GLIS1: variants seen among roughly 807,000 people sequenced by gnomAD.
GLIS1 encodes the protein zinc finger protein GLIS1.
A neutral mutation model predicts 63.8 loss-of-function variants in GLIS1; 24 were observed. The ratio of observed to expected loss-of-function variants is 0.38; its 90% CI spans 0.27 to 0.53. The LOEUF (loss-of-function observed/expected upper bound fraction) is 0.53. Among genes scored for constraint, GLIS1 ranks in the 20% least tolerant of loss-of-function variants. The probability of loss-of-function intolerance (pLI) is 0.85; values close to 1 mark genes in which losing one functional copy is unlikely to be tolerated. For missense variants in GLIS1, 1,036 were observed against 1,074.1 expected (o/e 0.96, Z 0.50); for synonymous variants, 450 against 482.5 (o/e 0.93, Z 0.88).
chr1:53,618,391 G>C (rs933779291), intron 2 of GLIS1, among the ~76,000 whole-genome samples: 5 of 152,206 alleles, frequency 3.3e-5, no homozygotes, highest in Admixed American at 1.3e-4. Context: ...CAGGCCCCTA[G>C]GGTGGGTCAC....
At chr1:53,601,751 C>T (rs1051382512) in intron 2 of GLIS1, among the ~76,000 whole-genome samples, 1 of 152,178 alleles carries the variant, frequency 6.6e-6, no homozygotes, top group Non-Finnish European at 1.5e-5. Context: ...ACGTCTTAAT[C>T]GCTATGTAAT....
At chr1:53,620,694 G>A (rs954978264) in intron 2 of GLIS1, among the ~76,000 whole-genome samples, 1 of 152,346 alleles carries the variant, frequency 6.6e-6, no homozygotes, top group African/African-American at 2.4e-5. Flanking sequence ...TGGAAGGCGG[G>A]AGACTGCAGG....
At chr1:53,514,024 T>C (rs1202848990) in intron 8 of GLIS1, among the ~76,000 whole-genome samples, 1 of 152,250 alleles carries the variant, frequency 6.6e-6, no homozygotes, top group African/African-American at 2.4e-5. Flanking sequence ...TGGCAGATCA[T>C]GGTCCAGCAA....
intron 2 of GLIS1, among the ~76,000 whole-genome samples, chr1:53,695,988 A>G (rs776461130): frequency 2.6e-5 from 4 of 152,202 alleles, no homozygotes; most frequent in Non-Finnish European, 4.4e-5. Flanking sequence ...TTGAGAATGC[A>G]GGCAGACTCG....
intron 6 of GLIS1, among the ~76,000 whole-genome samples, chr1:53,521,431 C>G (rs1010740622): frequency 2.0e-5 from 3 of 152,018 alleles, no homozygotes; most frequent in African/African-American, 7.3e-5. Flanking sequence ...GGGCTCGGAT[C>G]CCATCCTACC....
At chr1:53,521,520 AAC>A (rs1644408632) in intron 6 of GLIS1, among the ~76,000 whole-genome samples, 1 of 152,174 alleles carries the variant, frequency 6.6e-6, no homozygotes, top group Non-Finnish European at 1.5e-5. Flanking sequence ...AATAAGCAGC[AAC>A]AGTCACGCCT....
At chr1:53,735,888 G>T (rs1339475639) in intron 2 of GLIS1, among the ~76,000 whole-genome samples, 1 of 152,134 alleles carries the variant, frequency 6.6e-6, no homozygotes, top group Non-Finnish European at 1.5e-5. Flanking sequence ...GGAAAAGCTT[G>T]CCTATAGCAA....
At chr1:53,735,277 C>T (rs1176492693) in intron 2 of GLIS1, among the ~76,000 whole-genome samples, 1 of 152,252 alleles carries the variant, frequency 6.6e-6, no homozygotes, top group African/African-American at 2.4e-5. Context: ...TTCCTTCTCA[C>T]TCTGTCCCCT....
chr1:53,635,803 C>T (rs780148942), intron 2 of GLIS1, among the ~76,000 whole-genome samples: 13 of 152,080 alleles, frequency 8.5e-5, no homozygotes, highest in South Asian at 2.1e-4. Flanking sequence ...AAGATGTTTA[C>T]AGAATATCAT....
intron 2 of GLIS1, among the ~76,000 whole-genome samples, chr1:53,679,579 T>C (rs1646253168): frequency 6.6e-6 from 1 of 152,096 alleles, no homozygotes; most frequent in Non-Finnish European, 1.5e-5. Flanking sequence ...ACTTGCCCCA[T>C]TTACACAGAG....
Position 53,651,848 on chromosome 1 carries a change from T to C in GLIS1, c.260-51570A>G, listed in dbSNP as rs1248979633. On this transcript the variant is annotated intron_variant, in intron 2 of 10. Coordinates refer to ENST00000628545, the MANE Select transcript of GLIS1 (RefSeq NM_001367484.1). ...ATGTTCGTGCCACTGCACTCCAGAC[T>C]GGGCAACAGACGAAGATCTTGTCTC... Among the ~76,000 whole-genome samples, 3 of 141,190 alleles carry C rather than the reference T, an allele frequency of 2.1e-5. No individual in the cohort carries two copies. The Admixed American group carries it at 2.3e-4, about 11-fold the overall frequency. The allele number at this position is 141,190 out of a possible 152,430, so 92.6% of individuals were successfully genotyped here.
chr1:53,555,984 T>C (rs977659278), intron 4 of GLIS1, among the ~76,000 whole-genome samples: 1 of 125,682 alleles, frequency 8.0e-6, no homozygotes, highest in Non-Finnish European at 1.7e-5. Context: ...ATACTGCAGG[T>C]GTGTGTGTGT....
chr1:53,549,862 GCAAA>G (rs1396282778), intron 4 of GLIS1, among the ~76,000 whole-genome samples: 2 of 152,180 alleles, frequency 1.3e-5, no homozygotes, highest in African/African-American at 4.8e-5. Context: ...TTACCAATGG[GCAAA>G]CAGAGTCACA....
chr1:53,606,714 G>A (rs900561992), intron 2 of GLIS1, among the ~76,000 whole-genome samples: 6 of 152,224 alleles, frequency 3.9e-5, no homozygotes, highest in Admixed American at 2.0e-4. Context: ...GCCTGGAGCC[G>A]CCTTGGGGCA....
intron 2 of GLIS1, among the ~76,000 whole-genome samples, chr1:53,721,029 A>T (rs1646748812): frequency 6.6e-6 from 1 of 151,888 alleles, no homozygotes; most frequent in East Asian, 1.9e-4. Context: ...CACAGTAGGT[A>T]CTCAGTAAAA....
intron 2 of GLIS1, among the ~76,000 whole-genome samples, chr1:53,603,971 T>C (rs544831311): frequency 2.3e-4 from 35 of 152,326 alleles, no homozygotes; most frequent in African/African-American, 8.4e-4. Flanking sequence ...AGGGCCTGGA[T>C]TGGCACTTTT....
At chr1:53,665,962 A>C (rs1199569671) in intron 2 of GLIS1, among the ~76,000 whole-genome samples, 1 of 152,212 alleles carries the variant, frequency 6.6e-6, no homozygotes, top group Non-Finnish European at 1.5e-5. Flanking sequence ...GGGAAAGAGA[A>C]AATGGGTATT....
intron 2 of GLIS1, among the ~76,000 whole-genome samples, chr1:53,716,393 G>T (rs1011746115): frequency 6.6e-6 from 1 of 152,136 alleles, no homozygotes; most frequent in Non-Finnish European, 1.5e-5. Context: ...TTGGGGAAAG[G>T]GGAGGGTCAG....
intron 2 of GLIS1, among the ~76,000 whole-genome samples, chr1:53,682,189 C>T (rs1289106683): frequency 1.3e-5 from 2 of 152,216 alleles, no homozygotes; most frequent in Non-Finnish European, 2.9e-5. Flanking sequence ...TCTACACAGC[C>T]GCTCACCACC....
Sources: allele counts gnomAD v4.1 joint callset (sites outside exome capture counted in the v4.1 genomes callset), GRCh38; gene constraint gnomAD v4.1.1; transcripts MANE v1.5; gene names NCBI Gene and HGNC (gene_info 2026-07-23, HGNC 2026-07-21).